The following WDR88 variants were observed in gnomAD, a reference collection of about 807,000 sequenced individuals.
WDR88 encodes the protein WD repeat-containing protein 88.
A neutral mutation model predicts 46.8 loss-of-function variants in WDR88; 40 were observed. The observed-to-expected ratio is 0.86, with a 90% CI of 0.66 to 1.11. The LOEUF (loss-of-function observed/expected upper bound fraction) is 1.11. Ranked by LOEUF, WDR88 falls within the 50% of genes most tolerant of loss-of-function variation. The pLI is 0.00. For synonymous variants in WDR88, 235 were observed against 240.7 expected (o/e 0.98, Z 0.22); for missense variants, 562 against 602.4 (o/e 0.93, Z 0.70).
At position 33,175,542 on chromosome 19, in the gene WDR88, A is replaced by G. The variant is rs759517219; in HGVS notation, c.1389A>G (p.Ser463=). 1 of 1,614,198 alleles carries G rather than the reference A, an allele frequency of 6.2e-7. No individual in the cohort carries two copies. Among genetic ancestry groups the G allele is most frequent in the Admixed American group, 1.7e-5 (1 of 60,016 alleles). Residue 463 remains serine (S), a synonymous_variant, in exon 11 of 11, where the codon TCA becomes TCG. Transcript: ENST00000355868. The part of the protein sequence containing the change: ...SSSSSSEREN[S]PPPRGSKDD ...CATCATCATCGGAAAGGGAGAACTC[A>G]CCGCCGCCAAGGGGAAGCAAGGATG...
intron 9 of WDR88, among the ~76,000 whole-genome samples, chr19:33,170,801 G>A (rs769451046): frequency 6.6e-6 from 1 of 152,114 alleles, no homozygotes; most frequent in Non-Finnish European, 1.5e-5. Flanking sequence ...AGCGGAGGTT[G>A]TAGTGAGCTG....
chr19:33,137,627 A>AT, intron 1 of WDR88, 50 bp from the exon 2 acceptor site: 1 of 1,462,718 alleles, frequency 6.8e-7, no homozygotes, highest in South Asian at 1.2e-5. Flanking sequence ...TTGTACATTG[A>AT]TTTTGTGTCC....
chr19:33,142,038 A>C (rs1973406298), intron 2 of WDR88, among the ~76,000 whole-genome samples: 1 of 152,156 alleles, frequency 6.6e-6, no homozygotes, highest in Non-Finnish European at 1.5e-5. Context: ...TGCTGGGGGC[A>C]GGGACTGGAA....
intron 2 of WDR88, 96 bp downstream of exon 2, chr19:33,137,883 C>T (rs1306312851): frequency 2.0e-6 from 2 of 997,156 alleles, no homozygotes; most frequent in African/African-American, 1.6e-5. Context: ...CTCACAGGCA[C>T]TTGTGGGTCC....
intron 1 of WDR88, among the ~76,000 whole-genome samples, chr19:33,134,075 G>A (rs530303946): frequency 2.3e-4 from 35 of 152,314 alleles, no homozygotes; most frequent in African/African-American, 7.9e-4. Flanking sequence ...TAGAAGAACC[G>A]TTTTGTTTTT....
At chr19:33,135,858 C>T (rs182029173) in intron 1 of WDR88, among the ~76,000 whole-genome samples, 1 of 152,196 alleles carries the variant, frequency 6.6e-6, no homozygotes, top group Non-Finnish European at 1.5e-5. Flanking sequence ...CACAGTATCA[C>T]ACTTTGGTTT....
chr19:33,141,924 G>C (rs1171395360), intron 2 of WDR88, among the ~76,000 whole-genome samples: 1 of 151,850 alleles, frequency 6.6e-6, no homozygotes, highest in African/African-American at 2.4e-5. Flanking sequence ...CAGGTGATCT[G>C]TCCGCCTTGG....
chr19:33,162,898 A>C (rs1028491989), intron 8 of WDR88, among the ~76,000 whole-genome samples: 53 of 152,102 alleles, frequency 3.5e-4, no homozygotes, highest in African/African-American at 1.1e-3. Flanking sequence ...AAATAACTAA[A>C]TAAATAAATA....
intron 10 of WDR88, chr19:33,174,829 G>A: frequency 1.0e-6 from 1 of 984,940 alleles, no homozygotes; most frequent in Non-Finnish European, 1.2e-6. Flanking sequence ...ACATGAGCTG[G>A]CAGGAGACAT....
intron 1 of WDR88, among the ~76,000 whole-genome samples, chr19:33,135,296 G>T (rs756131514): frequency 2.6e-5 from 4 of 152,146 alleles, no homozygotes; most frequent in Non-Finnish European, 4.4e-5. Flanking sequence ...CAAGCCATAC[G>T]TGGTCTCTTG....
Position 33,175,702 on chromosome 19 carries a change from C to T in WDR88, c.*130C>T. 1 of 1,095,922 alleles carries T rather than the reference C, an allele frequency of 9.1e-7. No homozygotes were observed. The highest frequency in any genetic ancestry group is 1.3e-6 in the Non-Finnish European group (1 of 761,910). 67.9% of individuals were successfully genotyped at this position (1,095,922 alleles called of 1,614,324 possible). A position where few individuals can be genotyped will look rare whatever the true frequency, so the allele number is the denominator to read the frequency against. On this transcript the variant is annotated 3_prime_UTR_variant, in exon 11 of 11. Transcript: ENST00000355868. ...TGTCAGACTGGGGCAGGACCCAAGC[C>T]CTGGCTGGACTCAGCACAGTGCCAC... is the stretch of plus-strand genomic sequence containing the variant.
chr19:33,164,517 G>A (rs1973923002), intron 9 of WDR88, among the ~76,000 whole-genome samples: 1 of 152,222 alleles, frequency 6.6e-6, no homozygotes, highest in African/African-American at 2.4e-5. Context: ...GAGTCTGGCT[G>A]GATCAGTGAG....
chr19:33,160,043 T>C (rs573908703), intron 7 of WDR88, among the ~76,000 whole-genome samples: 57 of 152,178 alleles, frequency 3.7e-4, no homozygotes, highest in African/African-American at 1.4e-3. Context: ...AATCGAATGC[T>C]GCAGCTGATC....
chr19:33,134,712 A>G (rs1291305218), intron 1 of WDR88, among the ~76,000 whole-genome samples: 1 of 151,902 alleles, frequency 6.6e-6, no homozygotes, highest in Non-Finnish European at 1.5e-5. Context: ...TCCCCCGGAG[A>G]AAAGCCCGGT....
intron 9 of WDR88, among the ~76,000 whole-genome samples, chr19:33,167,902 G>C (rs1378450904): frequency 1.3e-5 from 2 of 149,884 alleles, no homozygotes; most frequent in Admixed American, 1.3e-4. Context: ...TCTCCCGGTA[G>C]AAACGGGATT....
At chr19:33,155,503 G>A (rs918973024) in intron 6 of WDR88, among the ~76,000 whole-genome samples, 6 of 152,094 alleles carry the variant, frequency 3.9e-5, no homozygotes, top group African/African-American at 1.4e-4. Flanking sequence ...TAGCACTGAA[G>A]ACAAATGAGG....
At chr19:33,174,807 C>T in intron 10 of WDR88, 1 of 985,088 alleles carries the variant, frequency 1.0e-6, no homozygotes. Context: ...CTCAGGACCC[C>T]CATGGCAGGA....
At chr19:33,147,529 G>C in intron 3 of WDR88, 116 bp from the exon 4 acceptor site, 1 of 927,582 alleles carries the variant, frequency 1.1e-6, no homozygotes. Flanking sequence ...TTTGAACCTG[G>C]GAGGTGGAGG....
rs1207112632 is a variant in WDR88 at position 33,132,419 on chromosome 19, T to TG, written c.254dup (p.Asp86ArgfsTer11). On this transcript the variant is annotated frameshift_variant, in exon 1 of 11. Coordinates refer to ENST00000355868, the MANE Select transcript of WDR88 (RefSeq NM_173479.4). LOFTEE classifies it high-confidence loss of function. The stretch of plus-strand genomic sequence containing the variant: ...GCACCAGGTGCCGGAGAAATTGATC[T>TG]GGGGCGACCAGGACCCTCTCTCCAA... 1 of 1,614,008 alleles carries TG rather than the reference T, an allele frequency of 6.2e-7. No homozygotes were observed. The highest frequency in any genetic ancestry group is 8.5e-7 in the Non-Finnish European group (1 of 1,179,982).
Sources: gnomAD v4.1 joint callset for allele counts (sites outside exome capture counted in the v4.1 genomes callset) on GRCh38, gnomAD v4.1.1 for gene constraint, MANE v1.5 for transcripts, NCBI Gene and HGNC (gene_info 2026-07-23, HGNC 2026-07-21) for gene names.